The following NBEAL1 variants were observed in gnomAD, a reference collection of about 807,000 sequenced individuals.
The protein encoded by NBEAL1 is neurobeachin like 1.
NBEAL1 carries 273 observed loss-of-function variants against 351.3 expected under a neutral mutation model. That is an observed-to-expected ratio of 0.78 (90% CI 0.70 to 0.86). NBEAL1 has a LOEUF of 0.86. Ranked by LOEUF, NBEAL1 falls within the 40% of genes least tolerant of loss-of-function variation. The pLI is 0.00. For missense variants in NBEAL1, 2,961 were observed against 3,201.3 expected (o/e 0.92, Z 1.81); for synonymous variants, 1,050 against 1,086.4 (o/e 0.97, Z 0.66).
chr2:203,084,658 T>C, intron 10 of NBEAL1, 89 bp downstream of exon 10: 2 of 616,042 alleles, frequency 3.2e-6, no homozygotes, highest in Non-Finnish European at 5.1e-6. Flanking sequence ...TTTTTACTAA[T>C]TTTTATACTT....
At chr2:203,121,153 G>A (rs761835220) in intron 18 of NBEAL1, among the ~76,000 whole-genome samples, 9 of 152,020 alleles carry the variant, frequency 5.9e-5, no homozygotes, top group Non-Finnish European at 1.3e-4. Context: ...AACAACATGA[G>A]GGAAAATAGT....
intron 27 of NBEAL1, among the ~76,000 whole-genome samples, chr2:203,134,421 A>T (rs915046830): frequency 1.3e-5 from 2 of 152,182 alleles, no homozygotes; most frequent in Admixed American, 1.3e-4. Context: ...TCACTGATTG[A>T]TATTGTATTA....
intron 33 of NBEAL1, 32 bp downstream of exon 33, chr2:203,145,192 T>TC: frequency 6.3e-7 from 1 of 1,578,580 alleles, no homozygotes; most frequent in Non-Finnish European, 8.6e-7. Flanking sequence ...ATCTAGTTTT[T>TC]CTTGTTGATT....
intron 27 of NBEAL1, among the ~76,000 whole-genome samples, chr2:203,134,630 T>C (rs975718265): frequency 6.6e-6 from 1 of 152,218 alleles, no homozygotes; most frequent in South Asian, 2.1e-4. Context: ...TTATTGACTT[T>C]GTGATAAAAT....
intron 28 of NBEAL1, 93 bp downstream of exon 28, chr2:203,136,345 T>A (rs1218012474): frequency 6.2e-6 from 6 of 961,904 alleles, no homozygotes; most frequent in Admixed American, 2.9e-5. Context: ...TGTTAACAAT[T>A]TCATATTGTA....
At position 203,183,331 on chromosome 2, in the gene NBEAL1, T is replaced by C; in HGVS notation, c.6648T>C (p.Ile2216=). ...CCAAAGAATTAGTAAATGATGTCAT[T>C]CTCCCGAAATGGGCTAAATCAGCTG... ...QISKELVNDV[I]LPKWAKSAED... is the part of the protein sequence containing the mutation. The change falls in exon 44 of 56, where the codon ATT becomes ATC. Residue 2216 remains isoleucine, a synonymous_variant. Coordinates refer to ENST00000683969, the MANE Select transcript of NBEAL1 (RefSeq NM_001378026.1). 6.2e-7 allele frequency: 1 copy of C among 1,603,050 alleles called. No homozygotes were observed. Among genetic ancestry groups the C allele is most frequent in the Non-Finnish European group, 8.5e-7 (1 of 1,175,634 alleles).
chr2:203,050,738 C>A (rs1046988145), intron 4 of NBEAL1, among the ~76,000 whole-genome samples: 5 of 152,088 alleles, frequency 3.3e-5, no homozygotes, highest in Non-Finnish European at 2.9e-5. Context: ...AGAGCTTGAG[C>A]CTTGCTTATG....
chr2:203,056,332 T>G (rs1177603111), intron 4 of NBEAL1, 95 bp from the exon 5 acceptor site: 1 of 706,048 alleles, frequency 1.4e-6, no homozygotes, highest in Admixed American at 2.5e-5. Flanking sequence ...GCATTTTGTT[T>G]GCCAGCATGT....
rs769425600 is a variant in NBEAL1, at chr2:203,149,086, T to C, written c.5400T>C (p.Thr1800=). The part of the protein sequence containing the change: ...LKQLSSQQLA[T]LRRWKAIQLY... Reference sequence around the variant, plus strand: ...AACTTAGCAGTCAACAGTTAGCCACTCTTAGACGCTGGAAAGCAATACAGC... The same window carrying C: ...AACTTAGCAGTCAACAGTTAGCCACCCTTAGACGCTGGAAAGCAATACAGC... Residue 1800 remains threonine, a synonymous_variant, in exon 34 of 56, where the codon ACT becomes ACC. Transcript: ENST00000683969. The C allele has an allele frequency of 6.2e-7, 1 of 1,613,132 alleles. No homozygotes were observed. Among genetic ancestry groups the C allele is most frequent in the Non-Finnish European group, 8.5e-7 (1 of 1,179,368 alleles).
intron 28 of NBEAL1, 43 bp from the exon 29 acceptor site, chr2:203,136,556 C>A (rs2063214531): frequency 7.1e-7 from 1 of 1,403,202 alleles, no homozygotes; most frequent in Admixed American, 1.8e-5. Context: ...CTTTGAACAA[C>A]TACACCCTCT....
In NBEAL1 at chr2:203,083,468, C is replaced by A; in HGVS notation, c.934C>A (p.Gln312Lys). 1 of 1,552,602 alleles carries A rather than the reference C, an allele frequency of 6.4e-7. No individual in the cohort carries two copies. Among genetic ancestry groups the A allele is most frequent in the South Asian group, 1.2e-5 (1 of 84,096 alleles). Reference sequence around the variant, plus strand: ...TTCAGATCATTCAGCTTTACCTAATCAAAGGAGGTCCAGACAGTGGGAAAA... The same window carrying A: ...TTCAGATCATTCAGCTTTACCTAATAAAAGGAGGTCCAGACAGTGGGAAAA... ...LNSDHSALPNQRRSRQWENRF... is the reference protein window; with the variant it reads ...LNSDHSALPNKRRSRQWENRF... The change falls in exon 9 of 56, where the codon CAA becomes AAA. Residue 312 changes from glutamine (Q) to lysine (K), a missense_variant. Coordinates refer to ENST00000683969, the MANE Select transcript of NBEAL1 (RefSeq NM_001378026.1).
chr2:203,116,844 G>C (rs890952272), intron 18 of NBEAL1, among the ~76,000 whole-genome samples: 17 of 151,118 alleles, frequency 1.1e-4, no homozygotes, highest in African/African-American at 4.1e-4. Flanking sequence ...GCTCTTGCCT[G>C]TAATACCAGC....
At chr2:203,215,314 C>T (rs2065878366) in intron 55 of NBEAL1, among the ~76,000 whole-genome samples, 1 of 152,148 alleles carries the variant, frequency 6.6e-6, no homozygotes, top group South Asian at 2.1e-4. Context: ...TCCTGGCCAA[C>T]ATGGTGAAAC....
intron 35 of NBEAL1, among the ~76,000 whole-genome samples, chr2:203,153,451 A>AT (rs937227187): frequency 1.3e-5 from 2 of 151,644 alleles, no homozygotes; most frequent in African/African-American, 4.8e-5. Flanking sequence ...GCCAGATCTT[A>AT]TTTTTTTTAA....
rs1417005128 is a variant in NBEAL1 at position 203,130,434 on chromosome 2, A to G, written c.3522A>G (p.Leu1174=). 1 of 1,484,110 alleles carries G rather than the reference A, an allele frequency of 6.7e-7. No individual in the cohort carries two copies. Among genetic ancestry groups the G allele is most frequent in the Non-Finnish European group, 8.9e-7 (1 of 1,123,680 alleles). The allele number at this position is 1,484,110 out of a possible 1,614,324, so 91.9% of individuals were successfully genotyped here. The change falls in exon 25 of 56, where the codon TTA becomes TTG. Residue 1174 remains leucine, a synonymous_variant. Transcript: ENST00000683969. ...GNADILYALL[L]NQKYSDRLRE... ...CTGACATACTGTACGCATTGCTCTT[A>G]AATCAGAAGTACTCTGACAGACTAA...
chr2:203,050,150 C>T (rs2061302143), intron 4 of NBEAL1, 175 bp downstream of exon 4: 1 of 530,930 alleles, frequency 1.9e-6, no homozygotes, highest in Non-Finnish European at 3.3e-6. Flanking sequence ...AAGGATGCAG[C>T]AAACCACTAT....
At chr2:203,199,906 A>G (rs764682369) in intron 49 of NBEAL1, among the ~76,000 whole-genome samples, 1 of 152,166 alleles carries the variant, frequency 6.6e-6, no homozygotes. Context: ...TTTCCATAAT[A>G]TGAGTTATAG....
At chr2:203,021,550 G>A (rs191604576) in intron 2 of NBEAL1, among the ~76,000 whole-genome samples, 20 of 151,752 alleles carry the variant, frequency 1.3e-4, no homozygotes, top group African/African-American at 4.3e-4. Context: ...AGCTGAGATC[G>A]TGCCACTACA....
chr2:203,017,541 A>G (rs2105984075), intron 2 of NBEAL1, among the ~76,000 whole-genome samples: 3 of 152,304 alleles, frequency 2.0e-5, no homozygotes, highest in Admixed American at 2.0e-4. Flanking sequence ...CCAATAAAAA[A>G]GGAATCCAAT....
Sources: allele counts gnomAD v4.1 joint callset (sites outside exome capture counted in the v4.1 genomes callset), GRCh38; gene constraint gnomAD v4.1.1; transcripts MANE v1.5; gene names NCBI Gene and HGNC (gene_info 2026-07-23, HGNC 2026-07-21).